The following CHRAC1 variants were observed in gnomAD, a reference collection of about 807,000 sequenced individuals.
The protein encoded by CHRAC1 is chromatin accessibility complex subunit 1.
A neutral mutation model predicts 9.1 loss-of-function variants in CHRAC1; 6 were observed. The ratio of observed to expected loss-of-function variants is 0.66; its 90% CI spans 0.36 to 1.29. The LOEUF (loss-of-function observed/expected upper bound fraction) is 1.29, where lower values mean the gene tolerates loss of function less well. Among genes scored for constraint, CHRAC1 ranks in the 50% most tolerant of loss-of-function variants. The pLI, the probability that CHRAC1 is intolerant of heterozygous loss-of-function variation, is 0.03. For missense variants in CHRAC1, 168 were observed against 163.5 expected (o/e 1.03, Z -0.15); for synonymous variants, 73 against 64.5 (o/e 1.13, Z -0.63).
At chr8:140,513,101 A>G (rs1414474652) in intron 1 of CHRAC1, among the ~76,000 whole-genome samples, 1 of 152,232 alleles carries the variant, frequency 6.6e-6, no homozygotes, top group African/African-American at 2.4e-5. Flanking sequence ...TACAGGCGTG[A>G]ACCATCACGC....
Position 140,511,347 on chromosome 8 carries a change from C to T in CHRAC1, c.-153C>T. On this transcript the variant is annotated 5_prime_UTR_variant, in exon 1 of 3. It adds an upstream start codon to the 5' untranslated region. Transcript: ENST00000220913. ...CTCACGGAGCTCGTAGTTTCCCGGACGGGCCGCTCCCGGCCTCGCGGCCTC... is the reference window on the plus strand; with the variant it reads ...CTCACGGAGCTCGTAGTTTCCCGGATGGGCCGCTCCCGGCCTCGCGGCCTC... The T allele has an allele frequency of 3.5e-6, 2 of 576,438 alleles. No individual in the cohort carries two copies. Among genetic ancestry groups the T allele is most frequent in the Non-Finnish European group, 5.1e-6 (2 of 389,274 alleles). 35.7% of individuals were successfully genotyped at this position (576,438 alleles called of 1,614,324 possible). A position where few individuals can be genotyped will look rare whatever the true frequency, so the allele number is the denominator to read the frequency against.
rs1029165352 is a variant in CHRAC1, at chr8:140,511,411, G to A, written c.-89G>A. The A allele has an allele frequency of 8.6e-7, 1 of 1,165,540 alleles. No individual in the cohort carries two copies. The highest frequency in any genetic ancestry group is 3.1e-5 in the South Asian group (1 of 32,060). 72.2% of individuals were successfully genotyped at this position (1,165,540 alleles called of 1,614,324 possible). On this transcript the variant is annotated 5_prime_UTR_variant, in exon 1 of 3. Coordinates refer to ENST00000220913, the MANE Select transcript of CHRAC1 (RefSeq NM_017444.6). Reference sequence around the variant, plus strand: ...ACAACTCCCACGGGGCAGCGGGCGCGGCTCCCCGTACCCACCAGCTGGCCG... The same window carrying A: ...ACAACTCCCACGGGGCAGCGGGCGCAGCTCCCCGTACCCACCAGCTGGCCG...
Position 140,515,316 on chromosome 8 carries a change from C to T in CHRAC1, c.*69C>T. ...ACCCACTCCACTGTCTCTAAGTAAA[C>T]ACAGCACTGCCCGCTTTTAGCGTCT... On this transcript the variant is annotated 3_prime_UTR_variant, in exon 3 of 3. Transcript: ENST00000220913. The T allele has an allele frequency of 1.3e-6, 2 of 1,500,250 alleles. No homozygotes were observed. Among genetic ancestry groups the T allele is most frequent in the Non-Finnish European group, 1.8e-6 (2 of 1,099,182 alleles). 92.9% of individuals were successfully genotyped at this position (1,500,250 alleles called of 1,614,324 possible). A position where few individuals can be genotyped will look rare whatever the true frequency, so the allele number is the denominator to read the frequency against.
rs759369277 is a variant in CHRAC1, at chr8:140,511,638, A to G, written c.139A>G (p.Lys47Glu). ...INQEALVLTA[K>E]ATELFVQCLA... ...CCAGGAGGCGTTGGTGCTCACGGCC[A>G]AGGCCACGGTGAGGGGGCAGGGCGG... The change falls in exon 1 of 3, where the codon AAG becomes GAG. Residue 47 changes from lysine to glutamate, a missense_variant. Transcript: ENST00000220913. 7.0e-7 allele frequency: 1 copy of G among 1,425,450 alleles called. No homozygotes were observed. Among genetic ancestry groups the G allele is most frequent in the East Asian group, 2.8e-5 (1 of 36,310 alleles). The allele number at this position is 1,425,450 out of a possible 1,614,324, so 88.3% of individuals were successfully genotyped here.
chr8:140,514,564 C>A, intron 2 of CHRAC1, 69 bp downstream of exon 2: 1 of 1,330,988 alleles, frequency 7.5e-7, no homozygotes, highest in Non-Finnish European at 1.0e-6. Context: ...CCACCCCTTG[C>A]CTCCCTTCTG....
At chr8:140,512,714 A>T (rs1218420233) in intron 1 of CHRAC1, among the ~76,000 whole-genome samples, 1 of 152,240 alleles carries the variant, frequency 6.6e-6, no homozygotes, top group East Asian at 1.9e-4. Context: ...ATGTTTTCCT[A>T]GAGCCCAGGG....
At chr8:140,514,811 C>A (rs1252622945) in intron 2 of CHRAC1, 4 of 362,786 alleles carry the variant, frequency 1.1e-5, no homozygotes, top group Middle Eastern at 7.6e-4. Flanking sequence ...GGTGGGTCTA[C>A]ATGGCCGTAG....
intron 2 of CHRAC1, 125 bp downstream of exon 2, chr8:140,514,620 A>C: frequency 1.5e-6 from 1 of 656,222 alleles, no homozygotes; most frequent in Non-Finnish European, 2.4e-6. Context: ...CAAGCCGCAA[A>C]GTACTATGAG....
chr8:140,515,027 T>C, intron 2 of CHRAC1, 99 bp from the exon 3 acceptor site: 1 of 1,163,720 alleles, frequency 8.6e-7, no homozygotes, highest in East Asian at 2.4e-5. Context: ...TGGAACCTCT[T>C]ATAGAGGTCA....
In CHRAC1 at chr8:140,511,523, A is replaced by T; in HGVS notation, c.24A>T (p.Lys8Asn). The T allele has an allele frequency of 7.3e-7, 1 of 1,378,804 alleles. No homozygotes were observed. The highest frequency in any genetic ancestry group is 9.4e-7 in the Non-Finnish European group (1 of 1,058,880). 85.4% of individuals were successfully genotyped at this position (1,378,804 alleles called of 1,614,324 possible). A position where few individuals can be genotyped will look rare whatever the true frequency, so the allele number is the denominator to read the frequency against. ...AGATGGCGGACGTGGTCGTGGGTAAAGACAAGGGCGGGGAGCAGCGGCTCA... is the reference window on the plus strand; with the variant it reads ...AGATGGCGGACGTGGTCGTGGGTAATGACAAGGGCGGGGAGCAGCGGCTCA... MADVVVG[K>N]DKGGEQRLIS... The change falls in exon 1 of 3, where the codon AAA becomes AAT. Residue 8 changes from lysine to asparagine, a missense_variant. Transcript: ENST00000220913.
At chr8:140,511,822 C>T in intron 1 of CHRAC1, 176 bp downstream of exon 1, 3 of 799,500 alleles carry the variant, frequency 3.8e-6, no homozygotes, top group South Asian at 1.4e-5. Flanking sequence ...CCGCGCGCCC[C>T]CACACTTTCT....
rs1262999977 is a variant in CHRAC1 at position 140,511,392 on chromosome 8, C to T, written c.-108C>T. 2.0e-5 allele frequency: 21 copies of T among 1,057,080 alleles called. No individual in the cohort carries two copies. In the East Asian group the frequency reaches 6.0e-4, roughly 30 times the overall value. The allele number at this position is 1,057,080 out of a possible 1,614,324, so 65.5% of individuals were successfully genotyped here. A position where few individuals can be genotyped will look rare whatever the true frequency, so the allele number is the denominator to read the frequency against. On this transcript the variant is annotated 5_prime_UTR_variant, in exon 1 of 3. Coordinates refer to ENST00000220913, the MANE Select transcript of CHRAC1 (RefSeq NM_017444.6). Reference sequence around the variant, plus strand: ...GGCCTCGCCTCCCCACACTACAACTCCCACGGGGCAGCGGGCGCGGCTCCC... The same window carrying T: ...GGCCTCGCCTCCCCACACTACAACTTCCACGGGGCAGCGGGCGCGGCTCCC...
rs2072270819 is a variant in CHRAC1 at position 140,511,399 on chromosome 8, G to A, written c.-101G>A. 6 of 1,093,622 alleles carry A rather than the reference G, an allele frequency of 5.5e-6. No individual in the cohort carries two copies. In the South Asian group the frequency reaches 1.6e-4, roughly 30 times the overall value. The allele number at this position is 1,093,622 out of a possible 1,614,324, so 67.7% of individuals were successfully genotyped here. A position where few individuals can be genotyped will look rare whatever the true frequency, so the allele number is the denominator to read the frequency against. On this transcript the variant is annotated 5_prime_UTR_variant, in exon 1 of 3. Coordinates refer to ENST00000220913, the MANE Select transcript of CHRAC1 (RefSeq NM_017444.6). ...CCTCCCCACACTACAACTCCCACGG[G>A]GCAGCGGGCGCGGCTCCCCGTACCC...
rs867991048 is a variant in CHRAC1, at chr8:140,511,746, G to C, written c.147+100G>C. 3.0e-4 allele frequency: 327 copies of C among 1,105,982 alleles called. 1 individual carries two copies. In the African/African-American group the frequency reaches 4.9e-3, roughly 17 times the overall value. The allele number at this position is 1,105,982 out of a possible 1,614,324, so 68.5% of individuals were successfully genotyped here. A position where few individuals can be genotyped will look rare whatever the true frequency, so the allele number is the denominator to read the frequency against. ...AGTCCCCTTAGGCCCGCGCGCCGCCGGCTGCTCTTGCCGGGCTCGCGCGCG... is the reference window on the plus strand; with the variant it reads ...AGTCCCCTTAGGCCCGCGCGCCGCCCGCTGCTCTTGCCGGGCTCGCGCGCG... On this transcript the variant is annotated intron_variant, in intron 1 of 2. Transcript: ENST00000220913.
At position 140,513,517 on chromosome 8, in the gene CHRAC1, G is replaced by A. The variant is rs907703476; in HGVS notation, c.148-852G>A. On this transcript the variant is annotated intron_variant, in intron 1 of 2. Coordinates refer to ENST00000220913, the MANE Select transcript of CHRAC1 (RefSeq NM_017444.6). Reference sequence around the variant, plus strand: ...GTGGCGCGATCTCGGCTCACTGCAAGCTCCGCCTCCCGGGCTTACGCCATT... The same window carrying A: ...GTGGCGCGATCTCGGCTCACTGCAAACTCCGCCTCCCGGGCTTACGCCATT... 3.1e-4 allele frequency among the ~76,000 whole-genome samples: 47 copies of A among 152,022 alleles called. 1 individual carries two copies. The highest frequency in any genetic ancestry group is 1.1e-3 in the African/African-American group (44 of 41,482).
chr8:140,511,822 C>G (rs1276283024), intron 1 of CHRAC1, 176 bp downstream of exon 1: 7 of 799,392 alleles, frequency 8.8e-6, no homozygotes, highest in Non-Finnish European at 7.8e-6. Context: ...CCGCGCGCCC[C>G]CACACTTTCT....
In CHRAC1 at chr8:140,515,847, C is replaced by T. The variant is rs1052749479; in HGVS notation, c.*600C>T. The T allele has an allele frequency of 6.6e-6, 1 of 152,248 alleles. No individual in the cohort carries two copies. Among genetic ancestry groups the T allele is most frequent in the East Asian group, 1.9e-4 (1 of 5,190 alleles). 9.4% of individuals were successfully genotyped at this position (152,248 alleles called of 1,614,324 possible). A position where few individuals can be genotyped will look rare whatever the true frequency, so the allele number is the denominator to read the frequency against. On this transcript the variant is annotated 3_prime_UTR_variant, in exon 3 of 3. Coordinates refer to ENST00000220913, the MANE Select transcript of CHRAC1 (RefSeq NM_017444.6). ...AGCCCTCTATGGCTTTAAGGCCTTG[C>T]TTACTGCCTGCAAATTTTGAGAAAT...
chr8:140,512,389 GCAGCACATTCCCCAA>G (rs1407636556), intron 1 of CHRAC1, among the ~76,000 whole-genome samples: 2 of 152,220 alleles, frequency 1.3e-5, no homozygotes, highest in African/African-American at 4.8e-5. Context: ...CGTCTAAGAG[GCAGCACATTCCCCAA>G]CCAGAATTTA....
chr8:140,512,492 T>TA (rs1438718532), intron 1 of CHRAC1, among the ~76,000 whole-genome samples: 1 of 152,240 alleles, frequency 6.6e-6, no homozygotes, highest in African/African-American at 2.4e-5. Context: ...TGTCTTTTTT[T>TA]AAAAAAATTG....
Sources: gnomAD v4.1 joint callset for allele counts (sites outside exome capture counted in the v4.1 genomes callset) on GRCh38, gnomAD v4.1.1 for gene constraint, MANE v1.5 for transcripts, NCBI Gene and HGNC (gene_info 2026-07-23, HGNC 2026-07-21) for gene names.